SLIT3: variants seen among roughly 807,000 people sequenced by gnomAD.
SLIT3 encodes the protein slit homolog 3 protein.
SLIT3 carries 68 observed loss-of-function variants against 184.0 expected under a neutral mutation model. The observed-to-expected ratio is 0.37, with a 90% CI of 0.30 to 0.45. SLIT3 has a LOEUF of 0.45. Among genes scored for constraint, SLIT3 ranks in the 20% least tolerant of loss-of-function variants. SLIT3 has a pLI of 1.00. For synonymous variants in SLIT3, 831 were observed against 828.6 expected (o/e 1.00, Z -0.05); for missense variants, 1,707 against 2,026.0 (o/e 0.84, Z 3.02).
At chr5:168,914,617 A>G (rs1761374332) in intron 4 of SLIT3, among the ~76,000 whole-genome samples, 2 of 152,184 alleles carry the variant, frequency 1.3e-5, no homozygotes, top group African/African-American at 4.8e-5. Context: ...TTGCTATTCC[A>G]CCATCAGCCA....
rs149709542 is a variant in SLIT3, at chr5:168,722,951, A to G, written c.2393T>C (p.Met798Thr). Residue 798 changes from methionine (M) to threonine (T), a missense_variant, in exon 22 of 36, where the codon ATG becomes ACG. Physicochemically the swap from Met to Thr is moderately conservative, Grantham distance 81. This residue lies in a region of SLIT3 where 1,307 missense variants were observed against 1,511.6 expected (regional missense o/e 0.86). Coordinates refer to ENST00000519560, the MANE Select transcript of SLIT3 (RefSeq NM_003062.4). ...SMLTNYTFSN[M>T]SHLSTLILSY... The stretch of plus-strand genomic sequence containing the variant: ...TACTCACAGAGTGGAGAGGTGAGAC[A>G]TGTTACTGAAGGTGTAATTGGTCAG... 2.4e-5 allele frequency: 39 copies of G among 1,613,746 alleles called. No individual in the cohort carries two copies. In the Admixed American group the frequency reaches 4.3e-4, roughly 18 times the overall value.
At chr5:169,049,086 T>G (rs1021851169) in intron 4 of SLIT3, among the ~76,000 whole-genome samples, 1 of 152,230 alleles carries the variant, frequency 6.6e-6, no homozygotes, top group Non-Finnish European at 1.5e-5. Context: ...GCGCCAGGGC[T>G]ACGGCAGGCA....
At chr5:169,035,522 A>C (rs1432568928) in intron 4 of SLIT3, among the ~76,000 whole-genome samples, 5 of 151,730 alleles carry the variant, frequency 3.3e-5, no homozygotes, top group African/African-American at 1.2e-4. Context: ...GGTGGCGGGC[A>C]CCTGTAGTCC....
chr5:169,094,267 C>T (rs532099131), intron 4 of SLIT3, among the ~76,000 whole-genome samples: 42 of 152,282 alleles, frequency 2.8e-4, no homozygotes, highest in South Asian at 1.7e-3. Flanking sequence ...TGAAGTTAAA[C>T]GACTTGTCCA....
intron 5 of SLIT3, among the ~76,000 whole-genome samples, chr5:168,858,976 C>T (rs529989082): frequency 8.1e-4 from 123 of 152,216 alleles, no homozygotes; most frequent in African/African-American, 2.6e-3. Flanking sequence ...GTGAGGCTTG[C>T]GGTGGGGTGG....
At chr5:169,258,559 A>G (rs1766057046) in intron 1 of SLIT3, among the ~76,000 whole-genome samples, 1 of 152,160 alleles carries the variant, frequency 6.6e-6, no homozygotes, top group Admixed American at 6.5e-5. Flanking sequence ...TGCCTCTATA[A>G]ACAGGCATCA....
At chr5:168,909,792 T>C (rs551958464) in intron 4 of SLIT3, among the ~76,000 whole-genome samples, 57 of 152,304 alleles carry the variant, frequency 3.7e-4, no homozygotes, top group African/African-American at 1.3e-3. Context: ...TGGTCTGGGT[T>C]TGAGCACGTT....
At chr5:169,196,362 C>T (rs1433569045) in intron 3 of SLIT3, among the ~76,000 whole-genome samples, 1 of 152,162 alleles carries the variant, frequency 6.6e-6, no homozygotes, top group Non-Finnish European at 1.5e-5. Flanking sequence ...CTGAAGCAAG[C>T]TATCTAGCCC....
intron 10 of SLIT3, among the ~76,000 whole-genome samples, chr5:168,792,696 C>T (rs1053313412): frequency 2.0e-5 from 3 of 152,160 alleles, no homozygotes; most frequent in Admixed American, 1.3e-4. Context: ...TAATAGATAG[C>T]CCAGGTGTCA....
intron 1 of SLIT3, among the ~76,000 whole-genome samples, chr5:169,288,354 A>G (rs1767227369): frequency 1.7e-5 from 1 of 59,538 alleles, no homozygotes; most frequent in Non-Finnish European, 3.6e-5. Flanking sequence ...TTCCCCCTTG[A>G]GTTTTTTTTT....
chr5:168,740,344 T>A (rs533736818), intron 20 of SLIT3, among the ~76,000 whole-genome samples: 2 of 152,310 alleles, frequency 1.3e-5, no homozygotes, highest in East Asian at 3.8e-4. Context: ...AAAAATCACC[T>A]CCTGCTCAGA....
chr5:168,766,500 C>T (rs759408052), intron 14 of SLIT3, among the ~76,000 whole-genome samples: 4 of 152,230 alleles, frequency 2.6e-5, no homozygotes, highest in Non-Finnish European at 5.9e-5. Context: ...GGAGTTTGGT[C>T]ACCAGTTGGG....
chr5:169,271,164 A>C (rs1766595162), intron 1 of SLIT3, among the ~76,000 whole-genome samples: 1 of 152,190 alleles, frequency 6.6e-6, no homozygotes, highest in Non-Finnish European at 1.5e-5. Flanking sequence ...TTTCGAGGAA[A>C]GGCAGGAGGG....
At chr5:168,736,159 A>AC (rs1202957172) in intron 20 of SLIT3, among the ~76,000 whole-genome samples, 16 of 152,230 alleles carry the variant, frequency 1.1e-4, no homozygotes, top group Admixed American at 8.5e-4. Flanking sequence ...TAGCCACTGT[A>AC]CCTTCAGCTG....
intron 4 of SLIT3, among the ~76,000 whole-genome samples, chr5:168,894,241 G>A (rs1377255856): frequency 1.3e-5 from 2 of 152,188 alleles, no homozygotes; most frequent in Non-Finnish European, 2.9e-5. Flanking sequence ...TCACCATGCC[G>A]ACTATGGGGA....
chr5:168,785,137 G>GCACACA (rs34278304), intron 12 of SLIT3, among the ~76,000 whole-genome samples: 1 of 140,762 alleles, frequency 7.1e-6, no homozygotes, highest in African/African-American at 2.7e-5. Flanking sequence ...GCACATGCAT[G>GCACACA]CACACACACA....
At position 168,817,342 on chromosome 5, in the gene SLIT3, A is replaced by G; in HGVS notation, c.751T>C (p.Phe251Leu). 1 of 1,614,162 alleles carries G rather than the reference A, an allele frequency of 6.2e-7. No individual in the cohort carries two copies. The highest frequency in any genetic ancestry group is 8.5e-7 in the Non-Finnish European group (1 of 1,180,030). ...TTCTTCTGCACATCCGCCACGTTGAAGCCCCTCAAATGCACAGGAGCCATG... is the reference window on the plus strand; with the variant it reads ...TTCTTCTGCACATCCGCCACGTTGAGGCCCCTCAAATGCACAGGAGCCATG... ...LCMAPVHLRG[F>L]NVADVQKKEY... The change falls in exon 8 of 36, where the codon TTC becomes CTC. Residue 251 changes from phenylalanine to leucine, a missense_variant. By Grantham distance (22) the Phe-to-Leu change is conservative. This residue lies in a region of SLIT3 where 1,307 missense variants were observed against 1,511.6 expected (regional missense o/e 0.86). Coordinates refer to ENST00000519560, the MANE Select transcript of SLIT3 (RefSeq NM_003062.4).
At chr5:169,206,033 G>C (rs1240218002) in intron 3 of SLIT3, among the ~76,000 whole-genome samples, 2 of 152,216 alleles carry the variant, frequency 1.3e-5, no homozygotes, top group Non-Finnish European at 2.9e-5. Context: ...TATATGAGAA[G>C]AGTGAGGGGT....
intron 4 of SLIT3, among the ~76,000 whole-genome samples, chr5:168,947,862 G>T (rs1762532551): frequency 6.6e-6 from 1 of 151,912 alleles, no homozygotes; most frequent in South Asian, 2.1e-4. Context: ...TCTCGATCTT[G>T]GCTCACTGCA....
Sources: allele counts gnomAD v4.1 joint callset (sites outside exome capture counted in the v4.1 genomes callset), GRCh38; gene constraint gnomAD v4.1.1; regional missense constraint gnomAD v4.1.1; transcripts MANE v1.5; gene names NCBI Gene and HGNC (gene_info 2026-07-23, HGNC 2026-07-21).